NMNAT2: variants seen among roughly 807,000 people sequenced by gnomAD.
NMNAT2 encodes nicotinamide nucleotide adenylyltransferase 2, also known as nicotinamide/nicotinic acid mononucleotide adenylyltransferase 2.
Under a neutral mutation model 41.6 loss-of-function variants are expected in NMNAT2, and 11 were observed. The observed-to-expected ratio is 0.26, with a 90% confidence interval of 0.17 to 0.44. The LOEUF is 0.44. Among genes scored for constraint, NMNAT2 ranks in the 20% least tolerant of loss-of-function variants. The probability of loss-of-function intolerance (pLI) is 1.00; values close to 1 mark genes in which losing one functional copy is unlikely to be tolerated. For synonymous variants in NMNAT2, 148 were observed against 151.2 expected, an observed-to-expected ratio of 0.98 and a Z score of 0.16; for missense variants, 288 against 407.7, an observed-to-expected ratio of 0.71 and a Z score of 2.53.
intron 8 of NMNAT2, among the ~76,000 whole-genome samples, chr1:183,278,255 C>T (rs1282695450): frequency 6.6e-6 from 1 of 151,942 alleles, no homozygotes; most frequent in African/African-American, 2.4e-5. Context: ...TTTTTTCTCC[C>T]TTCCTTCTCC....
intron 1 of NMNAT2, among the ~76,000 whole-genome samples, chr1:183,357,791 G>A (rs555730841): frequency 1.4e-4 from 22 of 152,138 alleles, no homozygotes; most frequent in African/African-American, 3.6e-4. Context: ...TGTTGGCCGC[G>A]TGTATGTCTT....
intron 1 of NMNAT2, among the ~76,000 whole-genome samples, chr1:183,387,164 A>T (rs1010064868): frequency 6.6e-6 from 1 of 151,098 alleles, no homozygotes; most frequent in African/African-American, 2.4e-5. Flanking sequence ...AAGTAGTTAT[A>T]TTCATGAATT....
chr1:183,275,134 T>C (rs1478607852), intron 8 of NMNAT2, among the ~76,000 whole-genome samples: 1 of 152,186 alleles, frequency 6.6e-6, no homozygotes, highest in African/African-American at 2.4e-5. Context: ...TGAACTGAGA[T>C]TGAAGTCCTG....
At chr1:183,260,200 A>C (rs1450896550) in intron 10 of NMNAT2, among the ~76,000 whole-genome samples, 1 of 152,128 alleles carries the variant, frequency 6.6e-6, no homozygotes, top group Non-Finnish European at 1.5e-5. Context: ...GGTCACCTTA[A>C]AGACAAAGCT....
chr1:183,303,205 C>T (rs1661908885), intron 1 of NMNAT2, among the ~76,000 whole-genome samples: 1 of 152,168 alleles, frequency 6.6e-6, no homozygotes, highest in Admixed American at 6.5e-5. Flanking sequence ...CTCCCCCACA[C>T]AGCCTGGAGC....
rs1661441809 is a variant in NMNAT2 at position 183,288,108 on chromosome 1, T to C, written c.322-1320A>G. On this transcript the variant is annotated intron_variant, in intron 4 of 10. Transcript: ENST00000287713. ...CACCACCAGAAAAGAAAACCCTGCATTTCTATTTCCTGATTGGCCTGGTAG... is the reference window on the plus strand; with the variant it reads ...CACCACCAGAAAAGAAAACCCTGCACTTCTATTTCCTGATTGGCCTGGTAG... Among the ~76,000 whole-genome samples the C allele has an allele frequency of 2.0e-5, 3 of 152,178 alleles. No individual in the cohort carries two copies. The South Asian group carries it at 6.2e-4, about 31-fold the overall frequency.
chr1:183,386,055 C>T (rs1363138157), intron 1 of NMNAT2, among the ~76,000 whole-genome samples: 1 of 152,118 alleles, frequency 6.6e-6, no homozygotes, highest in African/African-American at 2.4e-5. Context: ...CCGGACGCTA[C>T]TTGGGAGGAC....
At chr1:183,341,588 G>A (rs1439132530) in intron 1 of NMNAT2, among the ~76,000 whole-genome samples, 4 of 147,792 alleles carry the variant, frequency 2.7e-5, no homozygotes, top group Admixed American at 6.8e-5. Flanking sequence ...CCAGCTACCC[G>A]GGAAGCTGAG....
intron 1 of NMNAT2, among the ~76,000 whole-genome samples, chr1:183,308,835 A>T (rs1236525285): frequency 6.6e-6 from 1 of 152,216 alleles, no homozygotes; most frequent in Non-Finnish European, 1.5e-5. Flanking sequence ...GCCATCAGCC[A>T]TACGACAGTG....
chr1:183,367,181 G>A (rs915790879), intron 1 of NMNAT2, among the ~76,000 whole-genome samples: 5 of 152,182 alleles, frequency 3.3e-5, no homozygotes, highest in African/African-American at 7.2e-5. Context: ...AATAAGGGCC[G>A]GGAGTGGTGG....
At chr1:183,354,177 C>T (rs1326958020) in intron 1 of NMNAT2, among the ~76,000 whole-genome samples, 1 of 152,062 alleles carries the variant, frequency 6.6e-6, no homozygotes, top group African/African-American at 2.4e-5. Flanking sequence ...TTCAGATAGT[C>T]AATTGCTGCA....
At chr1:183,260,034 T>C (rs2102279966) in intron 10 of NMNAT2, among the ~76,000 whole-genome samples, 1 of 152,376 alleles carries the variant, frequency 6.6e-6, no homozygotes, top group East Asian at 1.9e-4. Flanking sequence ...AACTGGTAAC[T>C]GGCCCCTAAT....
At chr1:183,310,219 C>T (rs1662081691) in intron 1 of NMNAT2, among the ~76,000 whole-genome samples, 1 of 152,142 alleles carries the variant, frequency 6.6e-6, no homozygotes, top group African/African-American at 2.4e-5. Context: ...TCTAATTGTT[C>T]AAAGAACTTG....
At chr1:183,384,086 A>C (rs1343892420) in intron 1 of NMNAT2, among the ~76,000 whole-genome samples, 2 of 152,208 alleles carry the variant, frequency 1.3e-5, no homozygotes, top group Admixed American at 6.5e-5. Flanking sequence ...CAGGCTGTAT[A>C]GGAAGCATGA....
At position 183,273,841 on chromosome 1, in the gene NMNAT2, CCCTTCCTTCCTT is replaced by C. The variant is rs1158581494; in HGVS notation, c.651+4700_651+4711del. On this transcript the variant is annotated intron_variant, in intron 8 of 10. Transcript: ENST00000287713. ...CTTTCTTTTCCCTCCCTCCCTCCCTCCCTTCCTTCCTTCCTTCCTTCCTTCCTTCCTTCCTTC... is the reference window on the plus strand; with the variant it reads ...CTTTCTTTTCCCTCCCTCCCTCCCTCCCTTCCTTCCTTCCTTCCTTCCTTC... 2.1e-3 allele frequency among the ~76,000 whole-genome samples: 168 copies of C among 79,144 alleles called. 2 individuals carry two copies. Among genetic ancestry groups the C allele is most frequent in the African/African-American group, 0.011 (161 of 15,122 alleles). The allele number at this position is 79,144 out of a possible 152,430, so 51.9% of individuals were successfully genotyped here.
At chr1:183,350,302 C>T (rs1365163150) in intron 1 of NMNAT2, among the ~76,000 whole-genome samples, 1 of 152,082 alleles carries the variant, frequency 6.6e-6, no homozygotes, top group Non-Finnish European at 1.5e-5. Flanking sequence ...TTCCCAATCA[C>T]CAGCTGAGAT....
rs562883336 is a variant in NMNAT2, at chr1:183,321,988, T to A, written c.86-28195A>T. On this transcript the variant is annotated intron_variant, in intron 1 of 10. Coordinates refer to ENST00000287713, the MANE Select transcript of NMNAT2 (RefSeq NM_015039.4). ...CATGTTCCACCACATTTGGCTAATT[T>A]AAAATTTTTTTTTTTTTGTAGAGAC... Among the ~76,000 whole-genome samples, 48 of 151,996 alleles carry A rather than the reference T, an allele frequency of 3.2e-4. 1 individual carries two copies. In the South Asian group the frequency reaches 5.0e-3, roughly 16 times the overall value.
intron 1 of NMNAT2, among the ~76,000 whole-genome samples, chr1:183,302,402 G>A (rs1381947652): frequency 6.6e-6 from 1 of 152,184 alleles, no homozygotes; most frequent in South Asian, 2.1e-4. Context: ...TCCTAGAACA[G>A]ATTAGACCTA....
chr1:183,310,572 C>T (rs1224470948), intron 1 of NMNAT2, among the ~76,000 whole-genome samples: 3 of 152,124 alleles, frequency 2.0e-5, no homozygotes, highest in African/African-American at 7.2e-5. Context: ...GGTTGATCAC[C>T]CCCCAGGGCA....
Sources: gnomAD v4.1 joint callset for allele counts (sites outside exome capture counted in the v4.1 genomes callset) on GRCh38, gnomAD v4.1.1 for gene constraint, MANE v1.5 for transcripts, NCBI Gene and HGNC (gene_info 2026-07-23, HGNC 2026-07-21) for gene names.